The following F2RL1 variants were observed in gnomAD, a reference collection of about 807,000 sequenced individuals.
F2RL1 encodes the protein F2R like trypsin receptor 1, also known as proteinase-activated receptor 2.
Under a neutral mutation model 21.7 loss-of-function variants are expected in F2RL1, and 16 were observed. The observed-to-expected ratio is 0.74, with a 90% CI of 0.50 to 1.12. The LOEUF is 1.12. Among genes scored for constraint, F2RL1 ranks in the 50% most tolerant of loss-of-function variants. The pLI is 0.00. For missense variants in F2RL1, 432 were observed against 477.8 expected (o/e 0.90, Z 0.89); for synonymous variants, 181 against 186.7 (o/e 0.97, Z 0.25).
chr5:76,819,679 C>T (rs1475189838), intron 1 of F2RL1, among the ~76,000 whole-genome samples: 1 of 152,088 alleles, frequency 6.6e-6, no homozygotes, highest in Non-Finnish European at 1.5e-5. Context: ...GAGCTTTTTG[C>T]CAACTCCGGA....
chr5:76,833,902 C>G lies in F2RL1; in HGVS notation c.*101C>G, dbSNP rs1278650964. Reference sequence around the variant, plus strand: ...TTTCCTAATCAAAAAGGTCTCACCACATACCATGTGGATGCAGCACCTCTC... The same window carrying G: ...TTTCCTAATCAAAAAGGTCTCACCAGATACCATGTGGATGCAGCACCTCTC... On this transcript the variant is annotated 3_prime_UTR_variant, in exon 2 of 2. Coordinates refer to ENST00000296677, the MANE Select transcript of F2RL1 (RefSeq NM_005242.6). The G allele has an allele frequency of 1.5e-6, 2 of 1,303,690 alleles. No individual in the cohort carries two copies. The highest frequency in any genetic ancestry group is 2.1e-6 in the Non-Finnish European group (2 of 946,462). 80.8% of individuals were successfully genotyped at this position (1,303,690 alleles called of 1,614,324 possible). A position where few individuals can be genotyped will look rare whatever the true frequency, so the allele number is the denominator to read the frequency against.
intron 1 of F2RL1, among the ~76,000 whole-genome samples, chr5:76,827,676 T>C (rs915286316): frequency 1.4e-5 from 2 of 141,002 alleles, no homozygotes; most frequent in African/African-American, 2.7e-5. Context: ...CTAGGCTCAC[T>C]GCAACCTCCG....
At chr5:76,824,731 T>C (rs1018669925) in intron 1 of F2RL1, among the ~76,000 whole-genome samples, 14 of 152,316 alleles carry the variant, frequency 9.2e-5, no homozygotes, top group African/African-American at 3.1e-4. Flanking sequence ...TTGTGCACTT[T>C]AGCTGGTAGG....
chr5:76,831,454 T>C (rs548827521), intron 1 of F2RL1, among the ~76,000 whole-genome samples: 1 of 151,868 alleles, frequency 6.6e-6, no homozygotes, highest in Non-Finnish European at 1.5e-5. Context: ...AGTGAGAAAT[T>C]AGAAAACTGG....
chr5:76,829,695 G>T (rs1353684382), intron 1 of F2RL1, among the ~76,000 whole-genome samples: 1 of 152,084 alleles, frequency 6.6e-6, no homozygotes, highest in Non-Finnish European at 1.5e-5. Flanking sequence ...CAGTGTTAAA[G>T]AATAATAACT....
In F2RL1 at chr5:76,834,078, T is replaced by C. The variant is rs1029702061; in HGVS notation, c.*277T>C. ...GAAGATGGTGAAGACAGAAACCCAG[T>C]AACTTGCAAAAAGTAGACTTGGTGT... On this transcript the variant is annotated 3_prime_UTR_variant, in exon 2 of 2. Transcript: ENST00000296677. The C allele has an allele frequency of 8.8e-6, 3 of 342,152 alleles. No homozygotes were observed. Among genetic ancestry groups the C allele is most frequent in the African/African-American group, 2.1e-5 (1 of 47,684 alleles). The allele number at this position is 342,152 out of a possible 1,614,324, so 21.2% of individuals were successfully genotyped here. A position where few individuals can be genotyped will look rare whatever the true frequency, so the allele number is the denominator to read the frequency against.
intron 1 of F2RL1, among the ~76,000 whole-genome samples, chr5:76,819,515 C>T (rs1750089125): frequency 6.6e-6 from 1 of 152,254 alleles, no homozygotes; most frequent in South Asian, 2.1e-4. Flanking sequence ...CCAAAGACCC[C>T]ACTTCCCGTA....
rs115873467 is a variant in F2RL1, at chr5:76,832,867, T to C, written c.260T>C (p.Val87Ala). 148 of 1,614,228 alleles carry C rather than the reference T, an allele frequency of 9.2e-5. No homozygotes were observed. Among genetic ancestry groups the C allele is most frequent in the Non-Finnish European group, 1.2e-4 (140 of 1,180,046 alleles). ...CCAATTGTCTACACAATTGTGTTTG[T>C]GGTGGGTTTGCCAAGTAACGGCATG... is the stretch of plus-strand genomic sequence containing the variant. ...FLPIVYTIVF[V>A]VGLPSNGMAL... Residue 87 changes from valine to alanine, a missense_variant, in exon 2 of 2, where the codon GTG (valine) becomes GCG (alanine). Transcript: ENST00000296677.
chr5:76,829,556 C>A (rs781071924), intron 1 of F2RL1, among the ~76,000 whole-genome samples: 1 of 152,144 alleles, frequency 6.6e-6, no homozygotes, highest in African/African-American at 2.4e-5. Flanking sequence ...ATAATTTCCA[C>A]AATAACTGCA....
chr5:76,829,770 AATT>A (rs1750317838), intron 1 of F2RL1, among the ~76,000 whole-genome samples: 1 of 152,308 alleles, frequency 6.6e-6, no homozygotes, highest in East Asian at 1.9e-4. Context: ...TAATAAGAAT[AATT>A]ATTATTTTGT....
intron 1 of F2RL1, among the ~76,000 whole-genome samples, chr5:76,826,132 C>A (rs1221551220): frequency 1.3e-5 from 2 of 151,622 alleles, no homozygotes; most frequent in African/African-American, 2.4e-5. Context: ...CCTGTTATTT[C>A]TTTTCTGTTT....
At chr5:76,829,426 A>G (rs1327131902) in intron 1 of F2RL1, among the ~76,000 whole-genome samples, 1 of 152,030 alleles carries the variant, frequency 6.6e-6, no homozygotes. Flanking sequence ...CTTATAATTT[A>G]TATTTTGTAA....
At chr5:76,823,099 G>A (rs1750169854) in intron 1 of F2RL1, among the ~76,000 whole-genome samples, 1 of 151,888 alleles carries the variant, frequency 6.6e-6, no homozygotes, top group South Asian at 2.1e-4. Flanking sequence ...GCATGGTGGC[G>A]GGCGCCTGTA....
At chr5:76,820,326 TA>T (rs1276600672) in intron 1 of F2RL1, among the ~76,000 whole-genome samples, 1 of 152,144 alleles carries the variant, frequency 6.6e-6, no homozygotes, top group Non-Finnish European at 1.5e-5. Context: ...AGGGAGCTTT[TA>T]ATTTCCCTCA....
Position 76,833,717 on chromosome 5 carries a change from G to C in F2RL1, c.1110G>C (p.Met370Ile). The C allele has an allele frequency of 1.9e-6, 3 of 1,613,984 alleles. 1 individual carries two copies. The South Asian group carries it at 3.3e-5, about 18-fold the overall frequency. The change falls in exon 2 of 2, where the codon ATG (methionine) becomes ATC (isoleucine). Residue 370 changes from methionine (M) to isoleucine (I), a missense_variant. Coordinates refer to ENST00000296677, the MANE Select transcript of F2RL1 (RefSeq NM_005242.6). The part of the protein sequence containing the change: ...LCRSVRTVKQ[M>I]QVSLTSKKHS... The stretch of plus-strand genomic sequence containing the variant: ...GAAGTGTCCGCACTGTAAAGCAGAT[G>C]CAAGTATCCCTCACCTCAAAGAAAC...
chr5:76,833,696 T>C lies in F2RL1; in HGVS notation c.1089T>C (p.Ser363=), dbSNP rs138965893. The change falls in exon 2 of 2, where the codon AGT becomes AGC. Residue 363 remains serine, a synonymous_variant. Transcript: ENST00000296677. ...DHAKNALLCR[S]VRTVKQMQVS... is the part of the protein sequence containing the mutation. ...CAAAGAACGCTCTCCTTTGCCGAAG[T>C]GTCCGCACTGTAAAGCAGATGCAAG... The C allele has an allele frequency of 1.8e-3, 2,842 of 1,614,038 alleles. 4 individuals are homozygous for C. Among genetic ancestry groups the C allele is most frequent in the Non-Finnish European group, 2.2e-3 (2,553 of 1,180,002 alleles).
chr5:76,832,759 A>C lies in F2RL1; in HGVS notation c.152A>C (p.Lys51Thr), dbSNP rs766287060. ...KVDGTSHVTG[K>T]GVTVETVFSV... ...GATGGCACATCCCACGTCACTGGAA[A>C]AGGAGTTACAGTTGAAACAGTCTTT... The change falls in exon 2 of 2, where the codon AAA becomes ACA. Residue 51 changes from lysine to threonine, a missense_variant. Coordinates refer to ENST00000296677, the MANE Select transcript of F2RL1 (RefSeq NM_005242.6). 7 of 1,614,070 alleles carry C rather than the reference A, an allele frequency of 4.3e-6. No individual in the cohort carries two copies. In the South Asian group the frequency reaches 7.7e-5, roughly 18 times the overall value.
intron 1 of F2RL1, among the ~76,000 whole-genome samples, chr5:76,821,342 G>A (rs964086163): frequency 3.9e-5 from 6 of 152,202 alleles, no homozygotes; most frequent in South Asian, 4.1e-4. Flanking sequence ...TTTCCATCAC[G>A]TCTAGCATAG....
rs139620269 is a variant in F2RL1 at position 76,833,199 on chromosome 5, A to G, written c.592A>G (p.Ile198Val). The change falls in exon 2 of 2, where the codon ATA becomes GTA. Residue 198 changes from isoleucine to valine, a missense_variant. Coordinates refer to ENST00000296677, the MANE Select transcript of F2RL1 (RefSeq NM_005242.6). ...ANIAIGISLA[I>V]WLLILLVTIP... ...CATTGCCATTGGCATCTCCCTGGCAATATGGCTGCTGATTCTGCTGGTCAC... is the reference window on the plus strand; with the variant it reads ...CATTGCCATTGGCATCTCCCTGGCAGTATGGCTGCTGATTCTGCTGGTCAC... 5.0e-5 allele frequency: 81 copies of G among 1,614,056 alleles called. No homozygotes were observed. In the African/African-American group the frequency reaches 6.1e-4, roughly 12 times the overall value.
Sources: gnomAD v4.1 joint callset for allele counts (sites outside exome capture counted in the v4.1 genomes callset) on GRCh38, gnomAD v4.1.1 for gene constraint, MANE v1.5 for transcripts, NCBI Gene and HGNC (gene_info 2026-07-23, HGNC 2026-07-21) for gene names.